GLB1: variants seen among roughly 807,000 people sequenced by gnomAD.
GLB1 encodes the protein galactosidase beta 1.
Under a neutral mutation model 74.0 loss-of-function variants are expected in GLB1, and 56 were observed. That is an observed-to-expected ratio of 0.76 (90% CI 0.61 to 0.94). The LOEUF is 0.94. Ranked by LOEUF, GLB1 falls within the 40% of genes least tolerant of loss-of-function variation. The pLI, the probability that GLB1 is intolerant of heterozygous loss-of-function variation, is 0.00. For synonymous variants in GLB1, 323 were observed against 323.6 expected, an observed-to-expected ratio of 1.00 and a Z score of 0.02; for missense variants, 787 against 845.5, an observed-to-expected ratio of 0.93 and a Z score of 0.86.
At chr3:33,002,898 C>A (rs965058749) in intron 15 of GLB1, among the ~76,000 whole-genome samples, 1 of 152,072 alleles carries the variant, frequency 6.6e-6, no homozygotes, top group Admixed American at 6.6e-5. Flanking sequence ...ACACACCGAA[C>A]TCATGAATCA....
At chr3:32,988,287 T>C in the GLB1 span, among the ~76,000 whole-genome samples, 1 of 151,166 alleles carries the variant, frequency 6.6e-6, no homozygotes, top group Non-Finnish European at 1.5e-5. Context: ...GAAATTTCAG[T>C]GTATAAAAAA....
Position 33,068,253 on chromosome 3 carries a change from A to G in GLB1, c.434T>C (p.Ile145Thr), listed in dbSNP as rs1416369501. The G allele has an allele frequency of 1.2e-6, 2 of 1,613,946 alleles. No individual in the cohort carries two copies. Among genetic ancestry groups the G allele is most frequent in the Non-Finnish European group, 1.7e-6 (2 of 1,179,966 alleles). ...LPAWLLEKESILLRSSDPDYL... is the reference protein window; with the variant it reads ...LPAWLLEKESTLLRSSDPDYL... Reference sequence around the variant, plus strand: ...ACCTGGGTCGGAGGAGCGGAGAAGAATAGACTCTTTCTCTAGCAGCCAAGC... The same window carrying G: ...ACCTGGGTCGGAGGAGCGGAGAAGAGTAGACTCTTTCTCTAGCAGCCAAGC... Residue 145 changes from isoleucine (I) to threonine (T), a missense_variant, in exon 4 of 16, where the codon ATT becomes ACT. By Grantham distance (89) the Ile-to-Thr change is moderately conservative. Transcript: ENST00000307363.
intron 15 of GLB1, among the ~76,000 whole-genome samples, chr3:32,999,935 G>C (rs1316072211): frequency 6.6e-6 from 1 of 151,782 alleles, no homozygotes; most frequent in East Asian, 1.9e-4. Context: ...ACAGGCGTGA[G>C]CCACCATGCC....
At position 33,016,811 on chromosome 3, in the gene GLB1, A is replaced by G. The variant is rs557275388; in HGVS notation, c.1377T>C (p.Asn459=). 6 of 1,614,136 alleles carry G rather than the reference A, an allele frequency of 3.7e-6. No individual in the cohort carries two copies. The highest frequency in any genetic ancestry group is 5.1e-6 in the Non-Finnish European group (6 of 1,179,992). Residue 459 remains asparagine (N), a synonymous_variant, in exon 14 of 16, where the codon AAT becomes AAC. Coordinates refer to ENST00000307363, the MANE Select transcript of GLB1 (RefSeq NM_000404.4). ...TCCCTGTTATGTTCAGAGTGATCAC[A>G]TTGTTTCGCTCAAGGACTCCCTGGG... ...GIPQGVLERN[N]VITLNITGKA...
At chr3:32,986,473 A>G in the GLB1 span, among the ~76,000 whole-genome samples, 1 of 152,172 alleles carries the variant, frequency 6.6e-6, no homozygotes, top group African/African-American at 2.4e-5. Flanking sequence ...GACCCTTCAC[A>G]TTGAGCTCCC....
At chr3:33,044,252 A>C (rs1698654350) in intron 10 of GLB1, among the ~76,000 whole-genome samples, 1 of 152,198 alleles carries the variant, frequency 6.6e-6, no homozygotes. Context: ...AGAATGCAAA[A>C]AGACTAGAAA....
intron 5 of GLB1, among the ~76,000 whole-genome samples, chr3:33,058,606 T>A (rs541559501): frequency 1.3e-5 from 2 of 152,098 alleles, no homozygotes; most frequent in African/African-American, 4.8e-5. Context: ...ATGGTAGAAA[T>A]GCTAGAAAAA....
intron 1 of GLB1, among the ~76,000 whole-genome samples, chr3:33,084,448 A>G (rs1003699115): frequency 6.6e-6 from 1 of 152,242 alleles, no homozygotes; most frequent in Admixed American, 6.5e-5. Flanking sequence ...GGCAATGGTG[A>G]TAATCTATAT....
At chr3:32,990,190 T>C in the GLB1 span, among the ~76,000 whole-genome samples, 41 of 152,356 alleles carry the variant, frequency 2.7e-4, no homozygotes, top group African/African-American at 9.6e-4. Context: ...CTGCAGATGC[T>C]GCCTCCCTCT....
chr3:33,087,777 T>G (rs1700581973), intron 1 of GLB1, among the ~76,000 whole-genome samples: 1 of 152,178 alleles, frequency 6.6e-6, no homozygotes, highest in Non-Finnish European at 1.5e-5. Context: ...AATATTATCC[T>G]AATACCAAAG....
At chr3:32,966,992 C>G in the GLB1 span, among the ~76,000 whole-genome samples, 1 of 152,106 alleles carries the variant, frequency 6.6e-6, no homozygotes, top group Non-Finnish European at 1.5e-5. Flanking sequence ...CTGGTATGTC[C>G]TTATTAGCAG....
intron 15 of GLB1, among the ~76,000 whole-genome samples, chr3:33,002,324 T>TCACC (rs1696604747): frequency 1.2e-5 from 1 of 83,110 alleles, no homozygotes; most frequent in African/African-American, 4.2e-5. Context: ...AAAACAAAAG[T>TCACC]CTCCCTCCCT....
intron 10 of GLB1, among the ~76,000 whole-genome samples, chr3:33,043,848 A>AAG (rs1698632544): frequency 1.5e-5 from 1 of 68,906 alleles, no homozygotes; most frequent in Non-Finnish European, 3.7e-5. Context: ...AAAAAAGAAA[A>AAG]AAAAAAAAAA....
chr3:33,044,968 G>T (rs1698683313), intron 10 of GLB1, among the ~76,000 whole-genome samples: 1 of 152,136 alleles, frequency 6.6e-6, no homozygotes, highest in South Asian at 2.1e-4. Flanking sequence ...GCTCCAAATA[G>T]AAAAATGAAG....
At chr3:33,092,935 T>C (rs1700831884) in intron 1 of GLB1, 1 of 1,614,050 alleles carries the variant, frequency 6.2e-7, no homozygotes. Flanking sequence ...TACACGAATG[T>C]AGCCTGGGCC....
At chr3:33,034,075 C>T (rs964033071) in intron 10 of GLB1, 2 of 556,804 alleles carry the variant, frequency 3.6e-6, no homozygotes, top group South Asian at 3.2e-5. Context: ...CCACATATGG[C>T]AATATCCTGG....
Position 32,996,958 on chromosome 3 carries a change from C to A in GLB1, c.*87G>T. ...ATCCTAAATTCCTTTTCCATTTCCA[C>A]ATTCCAATCAGTGAAATGTGGCATG... On this transcript the variant is annotated 3_prime_UTR_variant, in exon 16 of 16. Coordinates refer to ENST00000307363, the MANE Select transcript of GLB1 (RefSeq NM_000404.4). The A allele has an allele frequency of 6.2e-7, 1 of 1,610,078 alleles. No homozygotes were observed. Among genetic ancestry groups the A allele is most frequent in the South Asian group, 1.1e-5 (1 of 90,176 alleles).
Position 33,016,762 on chromosome 3 carries a change from G to C in GLB1, c.1426C>G (p.Leu476Val), listed in dbSNP as rs113534264. 3 of 1,614,170 alleles carry C rather than the reference G, an allele frequency of 1.9e-6. No homozygotes were observed. The highest frequency in any genetic ancestry group is 2.7e-5 in the African/African-American group (2 of 75,036). ...TGKAGATLDL[L>V]VENMGRVNYG... Reference sequence around the variant, plus strand: ...TTCACACGTCCCATGTTCTCTACCAGAAGGTCCAGAGTGGCTCCAGCTTTC... The same window carrying C: ...TTCACACGTCCCATGTTCTCTACCACAAGGTCCAGAGTGGCTCCAGCTTTC... Residue 476 changes from leucine to valine, a missense_variant, in exon 14 of 16, where the codon CTG (leucine) becomes GTG (valine). Transcript: ENST00000307363.
At chr3:32,970,765 G>A in the GLB1 span, among the ~76,000 whole-genome samples, 4 of 152,180 alleles carry the variant, frequency 2.6e-5, no homozygotes, top group Admixed American at 6.5e-5. Context: ...ATCCTACGGC[G>A]AAACCTAACC....
Sources: allele counts gnomAD v4.1 joint callset (sites outside exome capture counted in the v4.1 genomes callset), GRCh38; gene constraint gnomAD v4.1.1; transcripts MANE v1.5; gene names NCBI Gene and HGNC (gene_info 2026-07-23, HGNC 2026-07-21).